Variants in VSX2 observed in about 807,000 individuals in gnomAD.
VSX2 encodes the protein ceh-10 homeo domain containing homolog.
Under a neutral mutation model 32.1 loss-of-function variants are expected in VSX2, and 28 were observed. The ratio of observed to expected loss-of-function variants is 0.87; its 90% CI spans 0.65 to 1.20. The LOEUF (loss-of-function observed/expected upper bound fraction) is 1.20. Among genes scored for constraint, VSX2 ranks in the 50% most tolerant of loss-of-function variants. The pLI, the probability that VSX2 is intolerant of heterozygous loss-of-function variation, is 0.00. For missense variants in VSX2, 506 were observed against 488.7 expected (o/e 1.04, Z -0.33); for synonymous variants, 243 against 214.1 (o/e 1.14, Z -1.18).
chr14:74,259,879 C>A, intron 4 of VSX2, 97 bp downstream of exon 4: 2 of 1,294,292 alleles, frequency 1.5e-6, no homozygotes, highest in Non-Finnish European at 2.1e-6. Flanking sequence ...GCACTTGGGC[C>A]ACAGCAGCCT....
intron 2 of VSX2, among the ~76,000 whole-genome samples, chr14:74,244,161 C>A (rs2024244): frequency 0.76 from 115,278 of 152,086 alleles, 45,183 homozygotes; most frequent in Admixed American, 0.86. Context: ...AAATTGGGGC[C>A]TATTTATTTG....
At chr14:74,259,224 G>A (rs936432677) in intron 3 of VSX2, among the ~76,000 whole-genome samples, 1 of 152,192 alleles carries the variant, frequency 6.6e-6, no homozygotes, top group African/African-American at 2.4e-5. Flanking sequence ...GCTGGGAAAG[G>A]AATTTGTCCC....
At chr14:74,244,247 T>G (rs1488047100) in intron 2 of VSX2, among the ~76,000 whole-genome samples, 2 of 152,208 alleles carry the variant, frequency 1.3e-5, no homozygotes, top group African/African-American at 4.8e-5. Flanking sequence ...TAGATCCATA[T>G]GAACTGCTCT....
At position 74,241,669 on chromosome 14, in the gene VSX2, C is replaced by T. The variant is rs117022924; in HGVS notation, c.455+403C>T. The stretch of plus-strand genomic sequence containing the variant: ...CCGGTTCTTTGCCCTCGGCCTCAAC[C>T]GCCGCCCCCATTTCTCTCCCGGGGT... On this transcript the variant is annotated intron_variant, in intron 2 of 4. Transcript: ENST00000261980. Among the ~76,000 whole-genome samples the T allele has an allele frequency of 2.0e-3, 306 of 152,322 alleles. 12 individuals are homozygous for T. The East Asian group carries it at 0.054, about 27-fold the overall frequency.
In VSX2 at chr14:74,239,699, C is replaced by T; in HGVS notation, c.138C>T (p.Ser46=). ...EILGLNKEPP[S]SHPRAALDGL... is the part of the protein sequence containing the mutation. Reference sequence around the variant, plus strand: ...TGGGCTTGAACAAGGAGCCCCCGAGCTCCCACCCGCGGGCAGCGCTCGACG... The same window carrying T: ...TGGGCTTGAACAAGGAGCCCCCGAGTTCCCACCCGCGGGCAGCGCTCGACG... Residue 46 remains serine, a synonymous_variant, in exon 1 of 5, where the codon AGC becomes AGT. Coordinates refer to ENST00000261980, the MANE Select transcript of VSX2 (RefSeq NM_182894.3). The T allele has an allele frequency of 5.8e-6, 9 of 1,549,850 alleles. No individual in the cohort carries two copies. In the South Asian group the frequency reaches 9.5e-5, roughly 16 times the overall value.
intron 2 of VSX2, among the ~76,000 whole-genome samples, chr14:74,243,420 G>A (rs909902693): frequency 3.3e-5 from 5 of 152,274 alleles, no homozygotes; most frequent in African/African-American, 1.2e-4. Flanking sequence ...GCATGAATTA[G>A]GGAAAGTTTG....
intron 3 of VSX2, among the ~76,000 whole-genome samples, chr14:74,258,211 G>A (rs1036669795): frequency 5.6e-4 from 85 of 152,240 alleles, no homozygotes; most frequent in Non-Finnish European, 1.1e-3. Flanking sequence ...CAATGCCGCG[G>A]CTCCCGGGAG....
Position 74,259,590 on chromosome 14 carries a change from G to C in VSX2, c.580-12G>C, listed in dbSNP as rs751020230. On this transcript the variant is annotated splice_polypyrimidine_tract_variant and intron_variant, in intron 3 of 4. Coordinates refer to ENST00000261980, the MANE Select transcript of VSX2 (RefSeq NM_182894.3). ...TCAGAGCAAGCCTCTGACCTGTTCTGTGCACCTGCAGGTCTGGTTCCAGAA... is the reference window on the plus strand; with the variant it reads ...TCAGAGCAAGCCTCTGACCTGTTCTCTGCACCTGCAGGTCTGGTTCCAGAA... 6.2e-7 allele frequency: 1 copy of C among 1,614,190 alleles called. No homozygotes were observed. Among genetic ancestry groups the C allele is most frequent in the East Asian group, 2.2e-5 (1 of 44,884 alleles).
intron 1 of VSX2, among the ~76,000 whole-genome samples, chr14:74,240,961 C>T (rs1369348358): frequency 6.6e-6 from 1 of 152,174 alleles, no homozygotes; most frequent in Non-Finnish European, 1.5e-5. Flanking sequence ...GCCTCTCTTA[C>T]AACGAAATCT....
intron 3 of VSX2, among the ~76,000 whole-genome samples, chr14:74,257,587 C>T (rs2079273051): frequency 6.6e-6 from 1 of 152,312 alleles, no homozygotes; most frequent in Admixed American, 6.5e-5. Context: ...GGATGCGAGG[C>T]TGGCGGGCCG....
Position 74,256,669 on chromosome 14 carries a change from C to CT in VSX2, c.580-2911dup, listed in dbSNP as rs34012116. Among the ~76,000 whole-genome samples the CT allele has an allele frequency of 4.0e-3, 372 of 93,076 alleles. 3 individuals carry two copies. The highest frequency in any genetic ancestry group is 7.5e-3 in the Middle Eastern group (1 of 134). The allele number at this position is 93,076 out of a possible 152,430, so 61.1% of individuals were successfully genotyped here. On this transcript the variant is annotated intron_variant, in intron 3 of 4. Transcript: ENST00000261980. ...GAGGTGGATAAAACCGGGAGTCATA[C>CT]TTTTTTTTTTTTTTTTTTTTTTGAG...
intron 3 of VSX2, among the ~76,000 whole-genome samples, chr14:74,256,638 C>T (rs1222876859): frequency 6.7e-6 from 1 of 148,836 alleles, no homozygotes; most frequent in Non-Finnish European, 1.5e-5. Flanking sequence ...TTGCTGTCTT[C>T]TCTGAGAGGT....
chr14:74,241,646 G>T (rs2079151158), intron 2 of VSX2, among the ~76,000 whole-genome samples: 1 of 152,212 alleles, frequency 6.6e-6, no homozygotes, highest in Admixed American at 6.5e-5. Context: ...TGCCAGAGCC[G>T]GTTCTTTGCC....
chr14:74,248,079 T>C (rs1010050113), intron 3 of VSX2, among the ~76,000 whole-genome samples: 1 of 151,952 alleles, frequency 6.6e-6, no homozygotes, highest in African/African-American at 2.4e-5. Flanking sequence ...CCAAAACCCT[T>C]GCTTTTCTAC....
At chr14:74,255,262 T>G (rs1211387917) in intron 3 of VSX2, among the ~76,000 whole-genome samples, 1 of 152,172 alleles carries the variant, frequency 6.6e-6, no homozygotes, top group Non-Finnish European at 1.5e-5. Context: ...AGGAAGGGAA[T>G]AGAAAGGGAC....
chr14:74,262,579 C>A lies in VSX2; in HGVS notation c.*1660C>A, dbSNP rs2079316130. The A allele has an allele frequency of 6.6e-6, 1 of 152,132 alleles. No homozygotes were observed. The highest frequency in any genetic ancestry group is 6.6e-5 in the Admixed American group (1 of 15,266). The allele number at this position is 152,132 out of a possible 1,614,324, so 9.4% of individuals were successfully genotyped here. A position where few individuals can be genotyped will look rare whatever the true frequency, so the allele number is the denominator to read the frequency against. ...GTTGGTTTGAAGTGTTAGACTATAG[C>A]CCCTGGTGTGTAAATAATGTACATA... On this transcript the variant is annotated 3_prime_UTR_variant, in exon 5 of 5. Coordinates refer to ENST00000261980, the MANE Select transcript of VSX2 (RefSeq NM_182894.3).
chr14:74,256,889 G>T (rs1262883924), intron 3 of VSX2, among the ~76,000 whole-genome samples: 1 of 151,954 alleles, frequency 6.6e-6, no homozygotes, highest in East Asian at 1.9e-4. Flanking sequence ...GGCCAGGCTG[G>T]TCTCAAACTC....
At chr14:74,240,624 C>T (rs940758887) in intron 1 of VSX2, among the ~76,000 whole-genome samples, 7 of 152,192 alleles carry the variant, frequency 4.6e-5, no homozygotes, top group African/African-American at 1.7e-4. Context: ...TTGGCAATTC[C>T]CCCGATTTTT....
At chr14:74,244,967 T>A (rs1594754474) in intron 2 of VSX2, among the ~76,000 whole-genome samples, 198 bp from the exon 3 acceptor site, 7 of 83,594 alleles carry the variant, frequency 8.4e-5, no homozygotes, top group East Asian at 7.5e-4. Flanking sequence ...TGTGTGTGTG[T>A]GTGTGTGTGT....
Sources: gnomAD v4.1 joint callset for allele counts (sites outside exome capture counted in the v4.1 genomes callset) on GRCh38, gnomAD v4.1.1 for gene constraint, MANE v1.5 for transcripts, NCBI Gene and HGNC (gene_info 2026-07-23, HGNC 2026-07-21) for gene names.